PELI2: variants seen among roughly 807,000 people sequenced by gnomAD.
The protein encoded by PELI2 is pellino E3 ubiquitin protein ligase family member 2.
In PELI2, 23 loss-of-function variants were observed where a neutral mutation model predicts 42.3. That is an observed-to-expected ratio of 0.54 (90% CI 0.39 to 0.77). The LOEUF (loss-of-function observed/expected upper bound fraction) is 0.77. PELI2 is among the 30% of genes least tolerant of loss of function. The pLI is 0.00. For synonymous variants in PELI2, 245 were observed against 212.2 expected (o/e 1.15, Z -1.34); for missense variants, 463 against 553.2 (o/e 0.84, Z 1.64).
intron 1 of PELI2, among the ~76,000 whole-genome samples, chr14:56,147,880 G>T (rs979857642): frequency 6.6e-6 from 1 of 152,218 alleles, no homozygotes; most frequent in African/African-American, 2.4e-5. Flanking sequence ...AGGATTATTA[G>T]TCTGACAGGT....
intron 1 of PELI2, among the ~76,000 whole-genome samples, chr14:56,144,154 T>C: frequency 6.6e-6 from 1 of 152,242 alleles, no homozygotes; most frequent in South Asian, 2.1e-4. Flanking sequence ...TGTAACTTCT[T>C]TCGTAGACAG....
At chr14:56,146,379 G>A (rs938303460) in intron 1 of PELI2, among the ~76,000 whole-genome samples, 1 of 152,134 alleles carries the variant, frequency 6.6e-6, no homozygotes, top group African/African-American at 2.4e-5. Context: ...TACATATTGT[G>A]GACCCCTAAG....
At chr14:56,165,758 T>C (rs1877032305) in intron 1 of PELI2, among the ~76,000 whole-genome samples, 1 of 152,110 alleles carries the variant, frequency 6.6e-6, no homozygotes, top group Non-Finnish European at 1.5e-5. Flanking sequence ...TTTATCGTTA[T>C]ATAGTGACCG....
intron 1 of PELI2, among the ~76,000 whole-genome samples, chr14:56,123,372 C>T (rs545074909): frequency 4.6e-5 from 7 of 152,246 alleles, no homozygotes; most frequent in African/African-American, 1.7e-4. Flanking sequence ...CTTTTATAGA[C>T]TAAAAGGTCT....
rs1412667417 is a variant in PELI2 at position 56,197,922 on chromosome 14, C to T, written c.207+19458C>T. 2.2e-5 allele frequency among the ~76,000 whole-genome samples: 1 copy of T among 45,592 alleles called. No individual in the cohort carries two copies. Among genetic ancestry groups the T allele is most frequent in the Non-Finnish European group, 6.6e-5 (1 of 15,176 alleles). The allele number at this position is 45,592 out of a possible 152,430, so 29.9% of individuals were successfully genotyped here. A position where few individuals can be genotyped will look rare whatever the true frequency, so the allele number is the denominator to read the frequency against. On this transcript the variant is annotated intron_variant, in intron 2 of 5. Coordinates refer to ENST00000267460, the MANE Select transcript of PELI2 (RefSeq NM_021255.3). This position sits in a 1 kb window ranked among gnomAD's most constrained non-coding sequence, Gnocchi z 4.9. ...AGGAATGGTGACTGGTGAAGACACACACACACACACACACACACACACACA... is the reference window on the plus strand; with the variant it reads ...AGGAATGGTGACTGGTGAAGACACATACACACACACACACACACACACACA...
At chr14:56,119,139 C>T (rs1882967002) in intron 1 of PELI2, 1 of 152,006 alleles carries the variant, frequency 6.6e-6, no homozygotes, top group Admixed American at 6.6e-5. Flanking sequence ...GGGCGCTTCG[C>T]GGGGTCGCTT....
intron 2 of PELI2, among the ~76,000 whole-genome samples, chr14:56,195,724 A>G (rs28414911): frequency 1.6e-4 from 25 of 152,350 alleles, no homozygotes; most frequent in African/African-American, 5.3e-4. Context: ...GTGTTAGTCC[A>G]TATTAAACCG....
chr14:56,186,163 C>T (rs1038647609), intron 2 of PELI2, among the ~76,000 whole-genome samples: 7 of 152,126 alleles, frequency 4.6e-5, no homozygotes, highest in African/African-American at 1.7e-4. Flanking sequence ...ATGAGAGGGA[C>T]TCCACCTGCT....
At position 56,118,472 on chromosome 14, in the gene PELI2, C is replaced by A; in HGVS notation, c.-189C>A. ...GCGCGCGGAGCTCCGGGGAGTCAGG[C>A]GGAGCAGCCGCGCAGCCACGACGGA... On this transcript the variant is annotated 5_prime_UTR_variant, in exon 1 of 6. Coordinates refer to ENST00000267460, the MANE Select transcript of PELI2 (RefSeq NM_021255.3). The A allele has an allele frequency of 3.0e-6, 1 of 337,430 alleles. No individual in the cohort carries two copies. The highest frequency in any genetic ancestry group is 5.3e-6 in the Non-Finnish European group (1 of 189,844). The allele number at this position is 337,430 out of a possible 1,614,324, so 20.9% of individuals were successfully genotyped here.
chr14:56,211,931 G>A (rs1362760459), intron 2 of PELI2, among the ~76,000 whole-genome samples: 1 of 152,118 alleles, frequency 6.6e-6, no homozygotes, highest in Non-Finnish European at 1.5e-5. Context: ...GAATAGAAGT[G>A]TGATTTTGAG....
chr14:56,137,425 C>G (rs1021596022), intron 1 of PELI2, among the ~76,000 whole-genome samples: 1 of 152,170 alleles, frequency 6.6e-6, no homozygotes, highest in Non-Finnish European at 1.5e-5. Context: ...TGGATCCTGT[C>G]CCATTGCCAA....
At chr14:56,178,240 C>A in intron 1 of PELI2, 95 bp from the exon 2 acceptor site, 1 of 1,293,176 alleles carries the variant, frequency 7.7e-7, no homozygotes, top group Non-Finnish European at 1.1e-6. Context: ...CTTTTATGAC[C>A]ATTCCTGTCT....
chr14:56,178,216 T>C (rs1283519839), intron 1 of PELI2, 119 bp from the exon 2 acceptor site: 1 of 974,656 alleles, frequency 1.0e-6, no homozygotes, highest in African/African-American at 1.6e-5. Flanking sequence ...TTGTGGAGTG[T>C]TTAGTGGGCA....
intron 2 of PELI2, among the ~76,000 whole-genome samples, chr14:56,200,592 A>C (rs761754084): frequency 6.6e-6 from 1 of 152,240 alleles, no homozygotes; most frequent in Non-Finnish European, 1.5e-5. Context: ...TAATCAATAT[A>C]ACCACCATTC....
At chr14:56,152,728 C>T (rs1471266062) in intron 1 of PELI2, among the ~76,000 whole-genome samples, 3 of 152,138 alleles carry the variant, frequency 2.0e-5, no homozygotes, top group African/African-American at 7.2e-5. Flanking sequence ...AGGAAGTAAA[C>T]ATTCTATTTA....
chr14:56,125,425 G>A (rs2343375), intron 1 of PELI2, among the ~76,000 whole-genome samples: 86,213 of 146,624 alleles, frequency 0.59, 25,558 homozygotes, highest in Middle Eastern at 0.68. Flanking sequence ...CAGGGGGGGG[G>A]TGAATTGGCA....
chr14:56,127,458 G>A (rs1221226200), intron 1 of PELI2, among the ~76,000 whole-genome samples: 1 of 152,206 alleles, frequency 6.6e-6, no homozygotes, highest in African/African-American at 2.4e-5. Context: ...ACCTGTCTGT[G>A]ACTGTCGGCA....
In PELI2 at chr14:56,268,582, C is replaced by T. The variant is rs1226883706; in HGVS notation, c.208-11094C>T. 2.6e-5 allele frequency among the ~76,000 whole-genome samples: 4 copies of T among 152,114 alleles called. No individual in the cohort carries two copies. In the East Asian group the frequency reaches 7.7e-4, roughly 29 times the overall value. On this transcript the variant is annotated intron_variant, in intron 2 of 5. Transcript: ENST00000267460. Reference sequence around the variant, plus strand: ...AAGAATGTTGCACCTTCATTTCTTCCCCTGCGGCATTTTGCTCACATCTGG... The same window carrying T: ...AAGAATGTTGCACCTTCATTTCTTCTCCTGCGGCATTTTGCTCACATCTGG...
At chr14:56,207,584 T>C (rs1886564325) in intron 2 of PELI2, among the ~76,000 whole-genome samples, 1 of 152,194 alleles carries the variant, frequency 6.6e-6, no homozygotes, top group Non-Finnish European at 1.5e-5. Flanking sequence ...GAGACTTACA[T>C]AGTGTGGATA....
Sources: allele counts gnomAD v4.1 joint callset (sites outside exome capture counted in the v4.1 genomes callset), GRCh38; gene constraint gnomAD v4.1.1; non-coding constraint Gnocchi (gnomAD v3.1); transcripts MANE v1.5; gene names NCBI Gene and HGNC (gene_info 2026-07-23, HGNC 2026-07-21).